BTNL9: variants seen among roughly 807,000 people sequenced by gnomAD.
BTNL9 encodes the protein butyrophilin like 9.
Under a neutral mutation model 45.8 loss-of-function variants are expected in BTNL9, and 45 were observed. The observed-to-expected ratio is 0.98, with a 90% CI of 0.77 to 1.26. BTNL9 has a LOEUF of 1.26. BTNL9 is among the 50% of genes most tolerant of loss of function. The pLI, the probability that BTNL9 is intolerant of heterozygous loss-of-function variation, is 0.00. For missense variants in BTNL9, 784 were observed against 729.7 expected, an observed-to-expected ratio of 1.07 and a Z score of -0.86; for synonymous variants, 346 against 330.8, an observed-to-expected ratio of 1.05 and a Z score of -0.50.
At chr5:181,040,731 G>A (rs996742815) in intron 1 of BTNL9, among the ~76,000 whole-genome samples, 1 of 152,212 alleles carries the variant, frequency 6.6e-6, no homozygotes, top group Non-Finnish European at 1.5e-5. Context: ...TAGAGACTAA[G>A]AGGGTGGAAA....
intron 6 of BTNL9, 158 bp from the exon 7 acceptor site, chr5:181,054,081 C>T: frequency 3.9e-6 from 6 of 1,549,158 alleles, no homozygotes; most frequent in Non-Finnish European, 4.4e-6. Flanking sequence ...CTGCCTGGAG[C>T]CTCACTTCCA....
chr5:181,058,788 T>A (rs1338670281), intron 10 of BTNL9, among the ~76,000 whole-genome samples: 7 of 150,326 alleles, frequency 4.7e-5, no homozygotes, highest in African/African-American at 1.7e-4. Flanking sequence ...AAAATCCTTT[T>A]AAAAACTTTT....
chr5:181,058,093 C>T (rs1167140758), intron 9 of BTNL9, among the ~76,000 whole-genome samples: 1 of 152,162 alleles, frequency 6.6e-6, no homozygotes, highest in Non-Finnish European at 1.5e-5. Flanking sequence ...CTACATGCTC[C>T]ACTCTCCTGC....
Position 181,050,342 on chromosome 5 carries a change from A to T in BTNL9, c.709A>T (p.Lys237Ter). The change falls in exon 4 of 11, where the codon AAG (lysine) becomes TAG (stop). Residue 237 changes from lysine (K) to a stop codon, truncating the protein, a stop_gained. Coordinates refer to ENST00000327705, the MANE Select transcript of BTNL9 (RefSeq NM_152547.5). LOFTEE classifies it high-confidence loss of function. The surrounding 1 kb of genome is among the most constrained non-coding windows in gnomAD (Gnocchi z 4.9). ...VSIQNLLLSQ[K>*]KELVVQIADV... ...CATCCAGAATCTCCTCTTGAGCCAG[A>T]AGAAAGAGTTGGTGGTCCAGATAGC... 1 of 1,614,068 alleles carries T rather than the reference A, an allele frequency of 6.2e-7. No homozygotes were observed. The highest frequency in any genetic ancestry group is 8.5e-7 in the Non-Finnish European group (1 of 1,180,012).
At position 181,048,229 on chromosome 5, in the gene BTNL9, G is replaced by A. The variant is rs756920873; in HGVS notation, c.412G>A (p.Asp138Asn). ...KGTYGCRFHS[D>N]NFSGEALWEL... ...CACATATGGCTGCCGCTTCCACTCC[G>A]ACAACTTCTCTGGCGAAGCTCTCTG... The change falls in exon 3 of 11, where the codon GAC (aspartate) becomes AAC (asparagine). Residue 138 changes from aspartate to asparagine, a missense_variant. Physicochemically the swap from Asp to Asn is conservative, Grantham distance 23. Transcript: ENST00000327705. 39 of 1,612,424 alleles carry A rather than the reference G, an allele frequency of 2.4e-5. No individual in the cohort carries two copies. The highest frequency in any genetic ancestry group is 2.2e-4 in the East Asian group (10 of 44,836).
At chr5:181,052,303 G>A (rs59004425) in intron 4 of BTNL9, among the ~76,000 whole-genome samples, 2,027 of 152,126 alleles carry the variant, frequency 0.013, 50 homozygotes, top group African/African-American at 0.046. Flanking sequence ...GTATACGGAG[G>A]GCGCCAGGGG....
intron 4 of BTNL9, among the ~76,000 whole-genome samples, chr5:181,051,092 A>C (rs1561981263): frequency 2.7e-5 from 4 of 150,470 alleles, no homozygotes; most frequent in Admixed American, 6.6e-5. Flanking sequence ...AAAAAAACAA[A>C]AAAAAAAAAA....
At chr5:181,048,299 G>A in intron 3 of BTNL9, 28 bp downstream of exon 3, 1 of 1,549,280 alleles carries the variant, frequency 6.5e-7, no homozygotes, top group Non-Finnish European at 8.8e-7. Flanking sequence ...AGGCCCTGCA[G>A]AGGAGAGGGA....
intron 9 of BTNL9, chr5:181,056,945 C>T (rs1046379575): frequency 8.0e-6 from 2 of 248,902 alleles, no homozygotes; most frequent in Non-Finnish European, 1.5e-5. Context: ...TGCCAGCTCA[C>T]ATCACTGACC....
chr5:181,047,559 TTAAGA>T (rs1761250331), intron 2 of BTNL9: 2 of 941,174 alleles, frequency 2.1e-6, no homozygotes, highest in Non-Finnish European at 2.6e-6. Context: ...TGTTTTTTAC[TTAAGA>T]TAATATTCTA....
At chr5:181,054,482 C>T in intron 7 of BTNL9, 1 of 985,492 alleles carries the variant, frequency 1.0e-6, no homozygotes, top group Non-Finnish European at 1.2e-6. Flanking sequence ...TCCTCCCCTG[C>T]AAATTAGACA....
In BTNL9 at chr5:181,048,263, A is replaced by T; in HGVS notation, c.446A>T (p.Glu149Val). The change falls in exon 3 of 11, where the codon GAG (glutamate) becomes GTG (valine). Residue 149 changes from glutamate (E) to valine (V), a missense_variant. Physicochemically the swap from Glu to Val is moderately radical, Grantham distance 121. Coordinates refer to ENST00000327705, the MANE Select transcript of BTNL9 (RefSeq NM_152547.5). ...TCTGGCGAAGCTCTCTGGGAACTGG[A>T]GGTAGCAGGTGCGTGGACTGACCTA... ...NFSGEALWELEVAGLGSDPHL... is the reference protein window; with the variant it reads ...NFSGEALWELVVAGLGSDPHL... 1 of 1,609,552 alleles carries T rather than the reference A, an allele frequency of 6.2e-7. No individual in the cohort carries two copies. The highest frequency in any genetic ancestry group is 8.5e-7 in the Non-Finnish European group (1 of 1,177,232).
At chr5:181,048,888 A>AAT in intron 3 of BTNL9, among the ~76,000 whole-genome samples, 1 of 134,806 alleles carries the variant, frequency 7.4e-6, no homozygotes, top group South Asian at 2.2e-4. Context: ...AATATATCAT[A>AAT]TATATGATAT....
chr5:181,052,878 T>A (rs1262681832), intron 4 of BTNL9: 2 of 132,714 alleles, frequency 1.5e-5, no homozygotes, highest in African/African-American at 6.2e-5. Context: ...GCCAAGCCCC[T>A]GGGACCCTCC....
intron 1 of BTNL9, among the ~76,000 whole-genome samples, chr5:181,043,672 G>A (rs1461491283): frequency 6.6e-6 from 1 of 152,210 alleles, no homozygotes; most frequent in Non-Finnish European, 1.5e-5. Flanking sequence ...TGCCCCTCCT[G>A]GTTTTGCTGT....
intron 9 of BTNL9, chr5:181,057,009 TG>T (rs1761917826): frequency 1.2e-4 from 2 of 17,128 alleles, no homozygotes; most frequent in Non-Finnish European, 2.5e-4. Context: ...ATTATATATC[TG>T]TGTGTGTGTG....
chr5:181,047,751 T>C (rs1011761815), intron 2 of BTNL9, among the ~76,000 whole-genome samples, 176 bp from the exon 3 acceptor site: 2 of 152,244 alleles, frequency 1.3e-5, no homozygotes, highest in African/African-American at 4.8e-5. Flanking sequence ...AATCGTGCAC[T>C]CAACGTTTTT....
intron 9 of BTNL9, chr5:181,056,790 T>TTGG (rs1761905890): frequency 3.0e-5 from 17 of 570,788 alleles, no homozygotes; most frequent in African/African-American, 7.5e-5. Flanking sequence ...TGCCCACATC[T>TTGG]CATGTGAACC....
rs1274030532 is a variant in BTNL9 at position 181,059,823 on chromosome 5, G to T, written c.1569G>T (p.Gln523His). 1 of 1,593,062 alleles carries T rather than the reference G, an allele frequency of 6.3e-7. No homozygotes were observed. The highest frequency in any genetic ancestry group is 1.7e-5 in the Admixed American group (1 of 59,030). ...PEENDSDTWL[Q>H]PYEPADPALD... Reference sequence around the variant, plus strand: ...AGAACGACAGTGACACCTGGCTACAGCCCTATGAGCCCGCGGACCCCGCCC... The same window carrying T: ...AGAACGACAGTGACACCTGGCTACATCCCTATGAGCCCGCGGACCCCGCCC... The change falls in exon 11 of 11, where the codon CAG becomes CAT. Residue 523 changes from glutamine to histidine, a missense_variant. Transcript: ENST00000327705.
Sources: gnomAD v4.1 joint callset for allele counts (sites outside exome capture counted in the v4.1 genomes callset) on GRCh38, gnomAD v4.1.1 for gene constraint, Gnocchi (gnomAD v3.1) non-coding constraint, MANE v1.5 for transcripts, NCBI Gene and HGNC (gene_info 2026-07-23, HGNC 2026-07-21) for gene names.